Variants in PTPRD observed in about 807,000 individuals in gnomAD.
The protein encoded by PTPRD is protein tyrosine phosphatase receptor type D.
PTPRD carries 34 observed loss-of-function variants against 214.5 expected under a neutral mutation model. That is an observed-to-expected ratio of 0.16 (90% CI 0.12 to 0.21). The LOEUF (loss-of-function observed/expected upper bound fraction) is 0.21, where lower values mean the gene tolerates loss of function less well. Ranked by LOEUF, PTPRD falls within the 10% of genes least tolerant of loss-of-function variation. The pLI is 1.00. For missense variants in PTPRD, 2,545 were observed against 2,398.7 expected (o/e 1.06, Z -1.27); for synonymous variants, 1,128 against 845.7 (o/e 1.33, Z -5.79).
chr9:8,489,804 T>C (rs1282643200), intron 27 of PTPRD, among the ~76,000 whole-genome samples: 1 of 152,224 alleles, frequency 6.6e-6, no homozygotes, highest in Non-Finnish European at 1.5e-5. Context: ...AGATTGGCAA[T>C]GGAACTCACT....
intron 3 of PTPRD, among the ~76,000 whole-genome samples, chr9:10,186,072 C>A (rs2099328885): frequency 6.9e-6 from 1 of 144,242 alleles, no homozygotes; most frequent in African/African-American, 2.8e-5. Flanking sequence ...GATAATTATG[C>A]TAGAAATAAA....
At chr9:10,076,077 T>G (rs968979421) in intron 3 of PTPRD, among the ~76,000 whole-genome samples, 1 of 152,080 alleles carries the variant, frequency 6.6e-6, no homozygotes, top group African/African-American at 2.4e-5. Flanking sequence ...ACCTGATCTA[T>G]TCCCTCTTCC....
chr9:9,653,467 T>C (rs1370068600), intron 7 of PTPRD, among the ~76,000 whole-genome samples: 1 of 145,638 alleles, frequency 6.9e-6, no homozygotes, highest in Non-Finnish European at 1.5e-5. Flanking sequence ...AAAATGAATA[T>C]ATTTTTTTCA....
intron 11 of PTPRD, among the ~76,000 whole-genome samples, chr9:8,868,249 G>A (rs558546388): frequency 9.2e-5 from 14 of 152,258 alleles, no homozygotes; most frequent in African/African-American, 3.1e-4. Context: ...CCCTAGGCTG[G>A]AGTAGAGTGG....
intron 8 of PTPRD, among the ~76,000 whole-genome samples, chr9:9,458,155 T>G (rs779991046): frequency 1.9e-4 from 29 of 152,096 alleles, no homozygotes; most frequent in Non-Finnish European, 3.4e-4. Flanking sequence ...GCATAGAAGT[T>G]CCTTTAAATT....
intron 7 of PTPRD, among the ~76,000 whole-genome samples, chr9:9,698,496 C>A (rs148523238): frequency 1.5e-3 from 227 of 152,212 alleles, no homozygotes; most frequent in Middle Eastern, 6.8e-3. Context: ...CCCAGGAAAC[C>A]CATGGGACAT....
At chr9:9,821,521 G>C (rs1210685495) in intron 5 of PTPRD, among the ~76,000 whole-genome samples, 1 of 152,148 alleles carries the variant, frequency 6.6e-6, no homozygotes, top group Admixed American at 6.5e-5. Context: ...TTTGTATAGA[G>C]AATCAGAGAG....
intron 18 of PTPRD, among the ~76,000 whole-genome samples, chr9:8,524,569 G>A (rs1052327288): frequency 6.6e-6 from 1 of 151,890 alleles, no homozygotes; most frequent in Non-Finnish European, 1.5e-5. Flanking sequence ...TATTTCAGGG[G>A]TTTAATAAGG....
At chr9:9,392,332 G>A (rs1257244618) in intron 9 of PTPRD, among the ~76,000 whole-genome samples, 1 of 152,156 alleles carries the variant, frequency 6.6e-6, no homozygotes, top group Non-Finnish European at 1.5e-5. Flanking sequence ...ACCTCAAAAT[G>A]AGACTTCTGT....
intron 12 of PTPRD, among the ~76,000 whole-genome samples, chr9:8,686,466 C>G (rs1246689188): frequency 6.6e-6 from 1 of 152,152 alleles, no homozygotes; most frequent in African/African-American, 2.4e-5. Flanking sequence ...CTAATTCTCA[C>G]CAGAAGTGAT....
chr9:9,157,069 C>G (rs2099881842), intron 10 of PTPRD, among the ~76,000 whole-genome samples: 1 of 152,132 alleles, frequency 6.6e-6, no homozygotes, highest in South Asian at 2.1e-4. Flanking sequence ...CACTCTGTGA[C>G]AGCATAAAGA....
chr9:10,600,160 C>T (rs2077601133), intron 2 of PTPRD, among the ~76,000 whole-genome samples: 1 of 151,578 alleles, frequency 6.6e-6, no homozygotes. Context: ...AATTGATCAA[C>T]TTAAAATGAT....
At chr9:9,362,067 A>G (rs895539408) in intron 9 of PTPRD, among the ~76,000 whole-genome samples, 5 of 151,158 alleles carry the variant, frequency 3.3e-5, no homozygotes, top group Non-Finnish European at 7.4e-5. Context: ...GACTTAAAAA[A>G]AGATCGAGTG....
At position 8,805,526 on chromosome 9, in the gene PTPRD, T is replaced by A. The variant is rs1469443620; in HGVS notation, c.-103-71580A>T. Among the ~76,000 whole-genome samples, 3 of 151,710 alleles carry A rather than the reference T, an allele frequency of 2.0e-5. No individual in the cohort carries two copies. The East Asian group carries it at 5.8e-4, about 29-fold the overall frequency. ...GCAATAGAAAAAAAAAACAGAAAAATAAATATAGACAGAATAGGAAAATCT... is the reference window on the plus strand; with the variant it reads ...GCAATAGAAAAAAAAAACAGAAAAAAAAATATAGACAGAATAGGAAAATCT... On this transcript the variant is annotated intron_variant, in intron 11 of 45. Coordinates refer to ENST00000381196, the MANE Select transcript of PTPRD (RefSeq NM_002839.4).
intron 8 of PTPRD, among the ~76,000 whole-genome samples, chr9:9,531,129 A>G (rs1024209031): frequency 4.6e-5 from 7 of 152,134 alleles, no homozygotes; most frequent in African/African-American, 1.7e-4. Context: ...TGCTGCAACA[A>G]ATCCTCATAT....
Position 10,406,478 on chromosome 9 carries a change from T to G in PTPRD, c.-599-65461A>C, listed in dbSNP as rs114922438. Among the ~76,000 whole-genome samples, 1,145 of 151,694 alleles carry G rather than the reference T, an allele frequency of 7.5e-3. 13 individuals are homozygous for G. The highest frequency in any genetic ancestry group is 0.026 in the African/African-American group (1,070 of 41,478). ...AACTGTGTGTACCCTATCAAAAATC[T>G]TGACAACATTCTGACTTTGGAAATT... On this transcript the variant is annotated intron_variant, in intron 2 of 45. Coordinates refer to ENST00000381196, the MANE Select transcript of PTPRD (RefSeq NM_002839.4).
intron 10 of PTPRD, among the ~76,000 whole-genome samples, chr9:9,081,385 T>C (rs2099758801): frequency 6.6e-6 from 1 of 152,152 alleles, no homozygotes; most frequent in African/African-American, 2.4e-5. Flanking sequence ...TCCATTCTTT[T>C]GCATTTGCTG....
At chr9:9,542,710 G>T (rs2077884776) in intron 8 of PTPRD, among the ~76,000 whole-genome samples, 1 of 151,646 alleles carries the variant, frequency 6.6e-6, no homozygotes, top group African/African-American at 2.4e-5. Flanking sequence ...AGTGAAAACG[G>T]TACTCAACAT....
chr9:10,533,689 C>T (rs1036777248), intron 2 of PTPRD, among the ~76,000 whole-genome samples: 4 of 151,828 alleles, frequency 2.6e-5, no homozygotes, highest in African/African-American at 4.8e-5. Flanking sequence ...CATTAATATG[C>T]ACCCAATTAT....
Sources: allele counts gnomAD v4.1 joint callset (sites outside exome capture counted in the v4.1 genomes callset), GRCh38; gene constraint gnomAD v4.1.1; transcripts MANE v1.5; gene names NCBI Gene and HGNC (gene_info 2026-07-23, HGNC 2026-07-21).